GPC6: variants seen among roughly 807,000 people sequenced by gnomAD.
The protein encoded by GPC6 is glypican-6.
GPC6 carries 14 observed loss-of-function variants against 55.2 expected under a neutral mutation model. The ratio of observed to expected loss-of-function variants is 0.25; its 90% CI spans 0.17 to 0.40. The LOEUF is 0.40. Among genes scored for constraint, GPC6 ranks in the 10% least tolerant of loss-of-function variants. The probability of loss-of-function intolerance (pLI) is 1.00; values close to 1 mark genes in which losing one functional copy is unlikely to be tolerated. For synonymous variants in GPC6, 278 were observed against 259.6 expected, an observed-to-expected ratio of 1.07 and a Z score of -0.68; for missense variants, 641 against 708.5, an observed-to-expected ratio of 0.90 and a Z score of 1.08.
At chr13:94,257,764 G>T (rs1594104456) in intron 4 of GPC6, among the ~76,000 whole-genome samples, 1 of 152,100 alleles carries the variant, frequency 6.6e-6, no homozygotes, top group African/African-American at 2.4e-5. Flanking sequence ...TCATTTTATT[G>T]TAATACTGCA....
chr13:93,890,100 G>A (rs1285097115), intron 3 of GPC6, among the ~76,000 whole-genome samples: 2 of 152,138 alleles, frequency 1.3e-5, no homozygotes, highest in Non-Finnish European at 2.9e-5. Flanking sequence ...ACATATGCTA[G>A]CTGTCTGTCT....
chr13:94,088,593 AGAG>A (rs1287032390), intron 4 of GPC6, among the ~76,000 whole-genome samples: 1 of 6,066 alleles, frequency 1.6e-4, no homozygotes, highest in East Asian at 2.6e-3. Flanking sequence ...AGGGGAGGGG[AGAG>A]GAGAGGAGGG....
chr13:93,868,105 G>A (rs1214081868), intron 3 of GPC6, among the ~76,000 whole-genome samples: 2 of 151,762 alleles, frequency 1.3e-5, no homozygotes, highest in African/African-American at 4.8e-5. Context: ...ACACTTGAGG[G>A]AGACTTCACA....
rs143159854 is a variant in GPC6, at chr13:94,225,589, C to G, written c.878-60760C>G. On this transcript the variant is annotated intron_variant, in intron 4 of 8. Coordinates refer to ENST00000377047, the MANE Select transcript of GPC6 (RefSeq NM_005708.5). Reference sequence around the variant, plus strand: ...TATTTCCATGAACATTTTGAAGACCCCTTGTATATAAGAATATATACTCTT... The same window carrying G: ...TATTTCCATGAACATTTTGAAGACCGCTTGTATATAAGAATATATACTCTT... Among the ~76,000 whole-genome samples the G allele has an allele frequency of 4.4e-4, 67 of 151,502 alleles. 1 individual carries two copies. Among genetic ancestry groups the G allele is most frequent in the African/African-American group, 1.6e-3 (65 of 41,262 alleles).
the GPC6 span, among the ~76,000 whole-genome samples, chr13:93,218,850 G>C: frequency 6.6e-6 from 1 of 152,080 alleles, no homozygotes; most frequent in East Asian, 1.9e-4. Context: ...TCATGAAGGG[G>C]AATGGTTGGA....
intron 4 of GPC6, among the ~76,000 whole-genome samples, chr13:94,280,923 A>G (rs1221386563): frequency 6.6e-6 from 1 of 152,212 alleles, no homozygotes; most frequent in African/African-American, 2.4e-5. Context: ...ATGACACATT[A>G]TCATCTTAAT....
intron 2 of GPC6, among the ~76,000 whole-genome samples, chr13:93,791,643 T>C (rs1475725996): frequency 6.6e-6 from 1 of 152,188 alleles, no homozygotes; most frequent in Non-Finnish European, 1.5e-5. Context: ...AATTAAAATG[T>C]TAAAACATCT....
At chr13:93,218,577 A>G in the GPC6 span, among the ~76,000 whole-genome samples, 5 of 152,212 alleles carry the variant, frequency 3.3e-5, no homozygotes, top group Admixed American at 1.3e-4. Context: ...ACTTTCCTCA[A>G]TGTGGAAGAT....
chr13:93,901,491 G>A (rs1293987647), intron 3 of GPC6, among the ~76,000 whole-genome samples: 1 of 152,056 alleles, frequency 6.6e-6, no homozygotes, highest in Non-Finnish European at 1.5e-5. Flanking sequence ...ATATTTTTCA[G>A]TATTTTTAAT....
chr13:93,423,064 C>T (rs1594159121), intron 1 of GPC6, among the ~76,000 whole-genome samples: 1 of 152,236 alleles, frequency 6.6e-6, no homozygotes, highest in Non-Finnish European at 1.5e-5. Flanking sequence ...ACCAGCTCCC[C>T]GTTTGTTAGC....
intron 6 of GPC6, among the ~76,000 whole-genome samples, chr13:94,338,194 G>A (rs1806813562): frequency 6.6e-6 from 1 of 152,194 alleles, no homozygotes; most frequent in South Asian, 2.1e-4. Flanking sequence ...GCCTCTTCCA[G>A]GGATTACTAA....
At chr13:94,402,063 T>C (rs1384003818) in intron 8 of GPC6, among the ~76,000 whole-genome samples, 5 of 152,220 alleles carry the variant, frequency 3.3e-5, no homozygotes, top group Admixed American at 3.3e-4. Flanking sequence ...CAGCAGGTCA[T>C]AGTTTGTCAA....
At chr13:93,535,081 A>C (rs948920400) in intron 1 of GPC6, among the ~76,000 whole-genome samples, 4 of 152,104 alleles carry the variant, frequency 2.6e-5, no homozygotes, top group African/African-American at 9.7e-5. Flanking sequence ...CATGTTCTGC[A>C]TTTTTGGTCT....
intron 3 of GPC6, among the ~76,000 whole-genome samples, chr13:93,942,303 C>G (rs958459325): frequency 1.3e-5 from 2 of 152,162 alleles, no homozygotes; most frequent in African/African-American, 4.8e-5. Flanking sequence ...AGCCTTGCCT[C>G]AGGACATCTC....
chr13:93,403,397 T>G (rs1876163780), intron 1 of GPC6, among the ~76,000 whole-genome samples: 1 of 152,182 alleles, frequency 6.6e-6, no homozygotes, highest in Non-Finnish European at 1.5e-5. Flanking sequence ...GCTATTCCTT[T>G]TCTTGTGCCT....
Position 94,001,327 on chromosome 13 carries a change from T to C in GPC6, c.712-26402T>C, listed in dbSNP as rs150390765. Among the ~76,000 whole-genome samples the C allele has an allele frequency of 1.8e-3, 280 of 152,336 alleles. 2 individuals are homozygous for C. Among genetic ancestry groups the C allele is most frequent in the Non-Finnish European group, 3.0e-3 (203 of 68,024 alleles). ...ATTATCTTTAATTCAGTATCTTACA[T>C]GTCATTATGTTAGTTAAAACAAGAA... On this transcript the variant is annotated intron_variant, in intron 3 of 8. Coordinates refer to ENST00000377047, the MANE Select transcript of GPC6 (RefSeq NM_005708.5).
chr13:94,352,601 T>C (rs1046148459), intron 6 of GPC6, among the ~76,000 whole-genome samples: 19 of 152,234 alleles, frequency 1.2e-4, no homozygotes, highest in African/African-American at 4.6e-4. Context: ...GCTCTTTCCC[T>C]CCCCCATACT....
intron 1 of GPC6, among the ~76,000 whole-genome samples, chr13:93,375,134 G>C (rs1445212109): frequency 6.6e-6 from 1 of 152,036 alleles, no homozygotes; most frequent in African/African-American, 2.4e-5. Flanking sequence ...ATGGTATCAG[G>C]CCTAATTAAT....
chr13:93,529,888 TTG>T (rs1365329748), intron 1 of GPC6, among the ~76,000 whole-genome samples: 2 of 152,126 alleles, frequency 1.3e-5, no homozygotes, highest in African/African-American at 4.8e-5. Context: ...AACCCATTGC[TTG>T]TGTGTTATTG....
Sources: gnomAD v4.1 joint callset for allele counts (sites outside exome capture counted in the v4.1 genomes callset) on GRCh38, gnomAD v4.1.1 for gene constraint, MANE v1.5 for transcripts, NCBI Gene and HGNC (gene_info 2026-07-23, HGNC 2026-07-21) for gene names.